The following SIL1 variants were observed in gnomAD, a reference collection of about 807,000 sequenced individuals.
The protein encoded by SIL1 is nucleotide exchange factor SIL1.
SIL1 carries 40 observed loss-of-function variants against 49.1 expected under a neutral mutation model. The observed-to-expected ratio is 0.81, with a 90% CI of 0.63 to 1.06. SIL1 has a LOEUF of 1.06. Among genes scored for constraint, SIL1 ranks in the 50% least tolerant of loss-of-function variants. SIL1 has a pLI of 0.00. For synonymous variants in SIL1, 253 were observed against 250.8 expected (o/e 1.01, Z -0.08); for missense variants, 500 against 572.6 (o/e 0.87, Z 1.29).
chr5:139,149,783 TG>T (rs1025246566), intron 1 of SIL1, among the ~76,000 whole-genome samples: 1 of 152,144 alleles, frequency 6.6e-6, no homozygotes, highest in African/African-American at 2.4e-5. Context: ...CCTGGAGGCA[TG>T]AAACTAGGAA....
intron 1 of SIL1, among the ~76,000 whole-genome samples, chr5:139,135,849 G>A (rs1750963940): frequency 6.6e-6 from 1 of 152,082 alleles, no homozygotes; most frequent in East Asian, 1.9e-4. Flanking sequence ...CAGATCACTT[G>A]AGGTCAGGAG....
intron 3 of SIL1, among the ~76,000 whole-genome samples, chr5:139,053,662 C>T (rs377736082): frequency 6.6e-6 from 1 of 152,172 alleles, no homozygotes; most frequent in Admixed American, 6.5e-5. Flanking sequence ...TTTTTCCATC[C>T]TTCTGAAAGA....
Position 139,121,161 on chromosome 5 carries a change from G to A in SIL1, c.118C>T (p.Leu40=), listed in dbSNP as rs141419143. ...GTGCTGCTCTTCTCTGGGTTGGTCA[G>A]GGCAAACTCCTTCTGAGAAAAGAAA... is the stretch of plus-strand genomic sequence containing the variant. ...LSHQNLKEFA[L]TNPEKSSTKE... is the part of the protein sequence containing the mutation. Residue 40 remains leucine (L), a synonymous_variant, in exon 3 of 10, where the codon CTG becomes TTG. Coordinates refer to ENST00000394817, the MANE Select transcript of SIL1 (RefSeq NM_022464.5). The A allele has an allele frequency of 6.2e-7, 1 of 1,614,096 alleles. No homozygotes were observed. Among genetic ancestry groups the A allele is most frequent in the Non-Finnish European group, 8.5e-7 (1 of 1,179,998 alleles).
Position 138,947,472 on chromosome 5 carries a change from A to G in SIL1, c.1031T>C (p.Met344Thr), listed in dbSNP as rs777267662. 1.6e-5 allele frequency: 26 copies of G among 1,613,054 alleles called. No individual in the cohort carries two copies. In the Admixed American group the frequency reaches 3.2e-4, roughly 20 times the overall value. The change falls in exon 10 of 10, where the codon ATG becomes ACG. Residue 344 changes from methionine (M) to threonine (T), a missense_variant and splice_region_variant. By Grantham distance (81) the Met-to-Thr change is moderately conservative. Coordinates refer to ENST00000394817, the MANE Select transcript of SIL1 (RefSeq NM_022464.5). The surrounding 1 kb of genome is among the most constrained non-coding windows in gnomAD (Gnocchi z 4.1). ...TLLYDLVTEKMFAEEEAELTQ... is the reference protein window; with the variant it reads ...TLLYDLVTEKTFAEEEAELTQ... ...CAGCTCAGCCTCCTCCTCGGCGAACATCTGCCATCCGCCACAGCCGCAGGC... is the reference window on the plus strand; with the variant it reads ...CAGCTCAGCCTCCTCCTCGGCGAACGTCTGCCATCCGCCACAGCCGCAGGC...
At chr5:139,093,701 A>G (rs1770393039) in intron 3 of SIL1, 1 of 152,220 alleles carries the variant, frequency 6.6e-6, no homozygotes, top group Non-Finnish European at 1.5e-5. Flanking sequence ...TTCCCTTGGG[A>G]TCACATGATG....
At chr5:139,004,730 A>G (rs761696253) in intron 7 of SIL1, among the ~76,000 whole-genome samples, 3 of 152,232 alleles carry the variant, frequency 2.0e-5, no homozygotes, top group Non-Finnish European at 4.4e-5. Flanking sequence ...ATGAATGGAT[A>G]AAGAAAATGT....
At chr5:139,148,286 C>T (rs1751230636) in intron 1 of SIL1, among the ~76,000 whole-genome samples, 1 of 152,100 alleles carries the variant, frequency 6.6e-6, no homozygotes. Context: ...CAACCAAATC[C>T]CAGCCTGCCA....
chr5:139,195,394 T>C (rs576619513), intron 1 of SIL1, among the ~76,000 whole-genome samples: 1 of 152,226 alleles, frequency 6.6e-6, no homozygotes, highest in African/African-American at 2.4e-5. Flanking sequence ...TTTGTTTTGT[T>C]TTGTTTTGTT....
intron 7 of SIL1, among the ~76,000 whole-genome samples, chr5:139,003,862 C>T (rs188136183): frequency 2.0e-5 from 3 of 152,126 alleles, no homozygotes; most frequent in African/African-American, 4.8e-5. Context: ...AACCTCAGCC[C>T]GTGAACAGGA....
chr5:139,056,190 G>A (rs1379845285), intron 3 of SIL1, among the ~76,000 whole-genome samples: 5 of 149,012 alleles, frequency 3.4e-5, no homozygotes, highest in Admixed American at 6.7e-5. Flanking sequence ...AGTGAGGAGC[G>A]TCTCTGCCCG....
intron 7 of SIL1, among the ~76,000 whole-genome samples, chr5:138,968,127 TG>T: frequency 6.6e-6 from 1 of 151,912 alleles, no homozygotes; most frequent in Middle Eastern, 3.4e-3. Context: ...GGGCTGGAGG[TG>T]GGGCAGGTGA....
chr5:139,042,612 T>C lies in SIL1; in HGVS notation c.453+8A>G. ...AGGCTTATACTCACAGGAAAAATAATCACACACCTTGTCTTCCTTTGAACT... is the reference window on the plus strand; with the variant it reads ...AGGCTTATACTCACAGGAAAAATAACCACACACCTTGTCTTCCTTTGAACT... On this transcript the variant is annotated splice_region_variant and intron_variant, in intron 5 of 9. Coordinates refer to ENST00000394817, the MANE Select transcript of SIL1 (RefSeq NM_022464.5). The C allele has an allele frequency of 1.2e-6, 2 of 1,613,206 alleles. No individual in the cohort carries two copies. Among genetic ancestry groups the C allele is most frequent in the Non-Finnish European group, 8.5e-7 (1 of 1,179,124 alleles).
chr5:139,043,576 G>A (rs1001923305), intron 4 of SIL1, among the ~76,000 whole-genome samples: 1 of 152,162 alleles, frequency 6.6e-6, no homozygotes, highest in Non-Finnish European at 1.5e-5. Context: ...ATACTAAGGA[G>A]TAGAATCAAG....
At chr5:139,045,130 G>T (rs1050390154) in intron 4 of SIL1, among the ~76,000 whole-genome samples, 19 of 152,150 alleles carry the variant, frequency 1.2e-4, no homozygotes, top group Non-Finnish European at 7.4e-5. Flanking sequence ...GCTGAGGAGG[G>T]AGGATTGCTT....
At chr5:139,167,582 G>A (rs567169812) in intron 1 of SIL1, among the ~76,000 whole-genome samples, 5 of 152,296 alleles carry the variant, frequency 3.3e-5, no homozygotes, top group Admixed American at 1.3e-4. Flanking sequence ...TGTTTAAGCT[G>A]TTATTATGAG....
chr5:139,025,243 CA>C (rs1178964047), intron 6 of SIL1, among the ~76,000 whole-genome samples: 2 of 152,066 alleles, frequency 1.3e-5, no homozygotes, highest in Non-Finnish European at 2.9e-5. Context: ...GAGCTTAATT[CA>C]AAAGGTACCA....
chr5:138,979,530 G>T (rs180712306), intron 7 of SIL1, among the ~76,000 whole-genome samples: 1 of 151,878 alleles, frequency 6.6e-6, no homozygotes. Context: ...TCGAGACAGG[G>T]TCTCACTCTG....
chr5:139,038,652 AAAC>A (rs1768971543), intron 5 of SIL1, among the ~76,000 whole-genome samples: 1 of 152,202 alleles, frequency 6.6e-6, no homozygotes. Context: ...TTGAGAAGGG[AAAC>A]AACTTCACCT....
intron 1 of SIL1, among the ~76,000 whole-genome samples, chr5:139,195,554 AT>A (rs1472100111): frequency 2.0e-5 from 3 of 151,722 alleles, no homozygotes; most frequent in Admixed American, 6.6e-5. Context: ...CGCCCGGGTA[AT>A]TTTTTGTATT....
Sources: allele counts gnomAD v4.1 joint callset (sites outside exome capture counted in the v4.1 genomes callset), GRCh38; gene constraint gnomAD v4.1.1; non-coding constraint Gnocchi (gnomAD v3.1); transcripts MANE v1.5; gene names NCBI Gene and HGNC (gene_info 2026-07-23, HGNC 2026-07-21).